NRXN3: variants seen among roughly 807,000 people sequenced by gnomAD.
NRXN3 encodes neurexin 3.
In NRXN3, 32 loss-of-function variants were observed where a neutral mutation model predicts 137.6. The ratio of observed to expected loss-of-function variants is 0.23; its 90% CI spans 0.18 to 0.31. The LOEUF (loss-of-function observed/expected upper bound fraction) is 0.31. Among genes scored for constraint, NRXN3 ranks in the 10% least tolerant of loss-of-function variants. The pLI is 1.00. For missense variants in NRXN3, 1,574 were observed against 2,062.5 expected, an observed-to-expected ratio of 0.76 and a Z score of 4.59; for synonymous variants, 798 against 784.5, an observed-to-expected ratio of 1.02 and a Z score of -0.29.
chr14:79,047,277 T>G (rs896836965), intron 15 of NRXN3, among the ~76,000 whole-genome samples: 1 of 152,080 alleles, frequency 6.6e-6, no homozygotes, highest in African/African-American at 2.4e-5. Context: ...AGTTATAATC[T>G]TGACAAAAAT....
chr14:79,700,689 G>A (rs1389428965), intron 19 of NRXN3, among the ~76,000 whole-genome samples: 1 of 152,062 alleles, frequency 6.6e-6, no homozygotes, highest in Non-Finnish European at 1.5e-5. Flanking sequence ...TTAACCGTGT[G>A]TGAATGTGAA....
At chr14:79,034,681 GT>G (rs1212167782) in intron 15 of NRXN3, among the ~76,000 whole-genome samples, 1 of 152,180 alleles carries the variant, frequency 6.6e-6, no homozygotes, top group East Asian at 1.9e-4. Flanking sequence ...ATTTTTCTGA[GT>G]AATCTAGTTT....
At chr14:79,540,830 C>T (rs1317176057) in intron 16 of NRXN3, among the ~76,000 whole-genome samples, 1 of 152,130 alleles carries the variant, frequency 6.6e-6, no homozygotes, top group East Asian at 1.9e-4. Context: ...GAGCAAGTGG[C>T]TCTGTATAGC....
intron 4 of NRXN3, among the ~76,000 whole-genome samples, chr14:78,531,931 A>T (rs1311752566): frequency 1.3e-5 from 2 of 152,076 alleles, no homozygotes; most frequent in African/African-American, 4.8e-5. Flanking sequence ...ATCTCCTTCA[A>T]TGACAGCTCC....
intron 2 of NRXN3, among the ~76,000 whole-genome samples, chr14:78,249,420 A>G (rs2068235664): frequency 1.3e-5 from 2 of 152,162 alleles, no homozygotes; most frequent in Non-Finnish European, 2.9e-5. Context: ...CTCCAGAAAG[A>G]TGGTTTCCAG....
At chr14:78,693,571 A>C in intron 6 of NRXN3, among the ~76,000 whole-genome samples, 1 of 151,284 alleles carries the variant, frequency 6.6e-6, no homozygotes, top group East Asian at 1.9e-4. Context: ...TATCATCCCC[A>C]AGCCAATAAT....
chr14:78,383,555 T>C (rs2089486964), intron 4 of NRXN3, among the ~76,000 whole-genome samples: 1 of 152,218 alleles, frequency 6.6e-6, no homozygotes, highest in South Asian at 2.1e-4. Context: ...ATTTTAACTT[T>C]TAAAATTTCT....
chr14:78,321,801 A>G (rs944775771), intron 4 of NRXN3, among the ~76,000 whole-genome samples: 2 of 152,042 alleles, frequency 1.3e-5, no homozygotes, highest in Non-Finnish European at 2.9e-5. Flanking sequence ...ATAGGCTTCA[A>G]AACATTGCTG....
chr14:78,774,376 G>C (rs890574738), intron 8 of NRXN3, among the ~76,000 whole-genome samples: 1 of 152,174 alleles, frequency 6.6e-6, no homozygotes, highest in African/African-American at 2.4e-5. Flanking sequence ...ACTATATTCT[G>C]TAATATTCTG....
At chr14:79,256,322 T>C (rs976596794) in intron 15 of NRXN3, among the ~76,000 whole-genome samples, 3 of 152,190 alleles carry the variant, frequency 2.0e-5, no homozygotes, top group Non-Finnish European at 4.4e-5. Flanking sequence ...ACTGTTGAAA[T>C]TGTTTTTATC....
chr14:78,468,569 C>A (rs111505308), intron 4 of NRXN3, among the ~76,000 whole-genome samples: 3,087 of 152,214 alleles, frequency 0.02, 95 homozygotes, highest in African/African-American at 0.062. Context: ...TTAGAGCTGG[C>A]AGACTACCAC....
rs144687444 is a variant in NRXN3 at position 78,231,033 on chromosome 14, C to T, written c.-703-11358C>T. On this transcript the variant is annotated intron_variant, in intron 1 of 20. Transcript: ENST00000335750. ...GTAGAATTGATAGGAGTGCAGCTTA[C>T]GGCCTCCCCTGTGAGGTCTTGGGAT... is the stretch of plus-strand genomic sequence containing the variant. Among the ~76,000 whole-genome samples, 60 of 152,244 alleles carry T rather than the reference C, an allele frequency of 3.9e-4. 1 individual carries two copies. In the East Asian group the frequency reaches 8.1e-3, roughly 21 times the overall value.
chr14:79,731,257 C>T (rs1180258977), intron 19 of NRXN3, among the ~76,000 whole-genome samples: 4 of 152,130 alleles, frequency 2.6e-5, no homozygotes, highest in Non-Finnish European at 4.4e-5. Flanking sequence ...CATTGGCTAC[C>T]ACGGAGATAA....
chr14:79,286,797 A>C (rs1292605625), intron 15 of NRXN3, among the ~76,000 whole-genome samples: 2 of 152,100 alleles, frequency 1.3e-5, no homozygotes, highest in Non-Finnish European at 2.9e-5. Context: ...CTTTGTCTCT[A>C]AGAAACTAAG....
intron 16 of NRXN3, among the ~76,000 whole-genome samples, chr14:79,581,029 A>G (rs1262698052): frequency 2.0e-5 from 3 of 152,076 alleles, no homozygotes; most frequent in Non-Finnish European, 4.4e-5. Context: ...AGGAGTGGGT[A>G]TGGGAGCCTT....
chr14:78,219,572 C>T (rs1008554425), intron 1 of NRXN3, among the ~76,000 whole-genome samples: 38 of 152,154 alleles, frequency 2.5e-4, no homozygotes, highest in African/African-American at 8.4e-4. Flanking sequence ...TTAGACTCGA[C>T]GTCTTAATTT....
chr14:78,340,246 C>A (rs903122430), intron 4 of NRXN3, among the ~76,000 whole-genome samples: 1 of 152,168 alleles, frequency 6.6e-6, no homozygotes, highest in East Asian at 1.9e-4. Flanking sequence ...GAGAAGGCTG[C>A]CTTTTCCCAA....
At chr14:78,199,316 C>A (rs77942135) in intron 1 of NRXN3, among the ~76,000 whole-genome samples, 2,906 of 152,192 alleles carry the variant, frequency 0.019, 93 homozygotes, top group African/African-American at 0.067. Flanking sequence ...CCTCCCCCCC[C>A]ACACCCAACA....
intron 4 of NRXN3, among the ~76,000 whole-genome samples, chr14:78,425,475 A>G (rs1336657185): frequency 2.0e-5 from 3 of 152,146 alleles, no homozygotes; most frequent in Non-Finnish European, 2.9e-5. Context: ...CAAGTGATTC[A>G]GATTGGACCA....
Sources: allele counts gnomAD v4.1 joint callset (sites outside exome capture counted in the v4.1 genomes callset), GRCh38; gene constraint gnomAD v4.1.1; transcripts MANE v1.5; gene names NCBI Gene and HGNC (gene_info 2026-07-23, HGNC 2026-07-21).